The following DLG2 variants were observed in gnomAD, a reference collection of about 807,000 sequenced individuals.
The protein encoded by DLG2 is discs large MAGUK scaffold protein 2.
DLG2 carries 45 observed loss-of-function variants against 132.5 expected under a neutral mutation model. That is an observed-to-expected ratio of 0.34 (90% CI 0.27 to 0.44). The LOEUF is 0.44. Among genes scored for constraint, DLG2 ranks in the 20% least tolerant of loss-of-function variants. The pLI is 1.00. For missense variants in DLG2, 1,045 were observed against 1,196.9 expected, an observed-to-expected ratio of 0.87 and a Z score of 1.87; for synonymous variants, 424 against 419.6, an observed-to-expected ratio of 1.01 and a Z score of -0.13.
At chr11:84,462,857 G>T (rs1331368312) in intron 7 of DLG2, among the ~76,000 whole-genome samples, 1 of 151,170 alleles carries the variant, frequency 6.6e-6, no homozygotes. Context: ...AACCTACAAA[G>T]AGTTTAATAG....
intron 6 of DLG2, among the ~76,000 whole-genome samples, chr11:84,664,980 A>G (rs1159214509): frequency 6.6e-6 from 1 of 151,920 alleles, no homozygotes; most frequent in Non-Finnish European, 1.5e-5. Flanking sequence ...TTTTCGTGAA[A>G]GTAGGAGAAG....
Position 84,578,835 on chromosome 11 carries a change from G to A in DLG2, c.358-44104C>T, listed in dbSNP as rs896453131. Among the ~76,000 whole-genome samples, 12 of 152,198 alleles carry A rather than the reference G, an allele frequency of 7.9e-5. No homozygotes were observed. The East Asian group carries it at 2.1e-3, about 27-fold the overall frequency. On this transcript the variant is annotated intron_variant, in intron 6 of 27. Transcript: ENST00000376104. ...GGGTAGAATGATATGGCTTGGCTGT[G>A]ACCCTACCGAAATCTCAACTTGAAT...
At chr11:83,928,573 AG>A (rs2154128563) in intron 15 of DLG2, among the ~76,000 whole-genome samples, 1 of 152,284 alleles carries the variant, frequency 6.6e-6, no homozygotes, top group Non-Finnish European at 1.5e-5. Context: ...AGATAGGGAA[AG>A]GATAGAAAAA....
intron 3 of DLG2, among the ~76,000 whole-genome samples, chr11:85,294,333 A>G (rs924042107): frequency 2.0e-5 from 3 of 150,040 alleles, no homozygotes; most frequent in Non-Finnish European, 4.5e-5. Context: ...ACTGAGAAAT[A>G]TCCAGTAACA....
At chr11:84,144,575 G>A (rs1038297632) in intron 9 of DLG2, among the ~76,000 whole-genome samples, 5 of 152,094 alleles carry the variant, frequency 3.3e-5, no homozygotes, top group Non-Finnish European at 7.4e-5. Flanking sequence ...AAAGCACAGG[G>A]ATTATCTGAA....
chr11:85,089,788 G>T (rs993459766), intron 6 of DLG2, among the ~76,000 whole-genome samples: 2 of 152,110 alleles, frequency 1.3e-5, no homozygotes, highest in African/African-American at 2.4e-5. Flanking sequence ...CTTCTCAAAA[G>T]AAGATACACA....
intron 16 of DLG2, among the ~76,000 whole-genome samples, chr11:83,865,978 G>C (rs567141443): frequency 6.6e-6 from 1 of 152,182 alleles, no homozygotes; most frequent in Admixed American, 6.6e-5. Context: ...CCTAGTCAAG[G>C]TCTATTGGTC....
Position 84,711,021 on chromosome 11 carries a change from T to TAG in DLG2, c.358-176291_358-176290insCT, listed in dbSNP as rs1378558926. Among the ~76,000 whole-genome samples the TAG allele has an allele frequency of 8.8e-5, 9 of 102,478 alleles. No individual in the cohort carries two copies. The South Asian group carries it at 1.0e-3, about 12-fold the overall frequency. 67.2% of individuals were successfully genotyped at this position (102,478 alleles called of 152,430 possible). The stretch of plus-strand genomic sequence containing the variant: ...TCATATATATATAGATATATATATA[T>TAG]ATATATATATAGAGCTGAAAAAAGC... On this transcript the variant is annotated intron_variant, in intron 6 of 27. Coordinates refer to ENST00000376104, the MANE Select transcript of DLG2 (RefSeq NM_001142699.3).
chr11:85,594,351 T>C (rs1411552745), intron 3 of DLG2, among the ~76,000 whole-genome samples: 2 of 152,234 alleles, frequency 1.3e-5, no homozygotes, highest in Non-Finnish European at 2.9e-5. Context: ...GTCTAACATG[T>C]AAGGTTTAAC....
chr11:84,231,875 T>G (rs2097098128), intron 8 of DLG2, among the ~76,000 whole-genome samples: 1 of 151,772 alleles, frequency 6.6e-6, no homozygotes, highest in African/African-American at 2.4e-5. Context: ...GTCTTGACAA[T>G]GAAGAAGAAG....
intron 21 of DLG2, among the ~76,000 whole-genome samples, chr11:83,523,440 T>C (rs2095533084): frequency 6.6e-6 from 1 of 152,206 alleles, no homozygotes; most frequent in Non-Finnish European, 1.5e-5. Flanking sequence ...TTAGTTCATA[T>C]GTAAAAATCT....
chr11:85,051,476 A>T (rs1026652218), intron 6 of DLG2, among the ~76,000 whole-genome samples: 1 of 152,182 alleles, frequency 6.6e-6, no homozygotes, highest in Non-Finnish European at 1.5e-5. Flanking sequence ...AGTTGTATTC[A>T]GGTTTAACTA....
At chr11:84,906,726 A>G (rs1186513471) in intron 6 of DLG2, among the ~76,000 whole-genome samples, 1 of 152,168 alleles carries the variant, frequency 6.6e-6, no homozygotes, top group African/African-American at 2.4e-5. Context: ...GCAGGGGGAA[A>G]AAAATGGAAA....
chr11:85,510,605 A>C (rs981563054), intron 3 of DLG2, among the ~76,000 whole-genome samples: 3 of 152,338 alleles, frequency 2.0e-5, no homozygotes, highest in Non-Finnish European at 2.9e-5. Context: ...TTATGCAGCC[A>C]AAAAACACAT....
intron 3 of DLG2, among the ~76,000 whole-genome samples, chr11:85,496,134 T>C (rs1157316623): frequency 6.6e-6 from 1 of 152,224 alleles, no homozygotes; most frequent in Non-Finnish European, 1.5e-5. Flanking sequence ...TTGGGGGATT[T>C]CCCTTTCCTA....
At chr11:84,895,505 C>A (rs751343622) in intron 6 of DLG2, among the ~76,000 whole-genome samples, 1 of 152,154 alleles carries the variant, frequency 6.6e-6, no homozygotes. Context: ...CTACTGTAGA[C>A]AGAGCAATGA....
At chr11:83,621,262 T>C (rs894567094) in intron 19 of DLG2, among the ~76,000 whole-genome samples, 20 of 152,264 alleles carry the variant, frequency 1.3e-4, no homozygotes, top group African/African-American at 2.9e-4. Flanking sequence ...ATCAACGCCA[T>C]GATTTTTTTT....
chr11:84,563,396 T>C (rs1443905022), intron 6 of DLG2, among the ~76,000 whole-genome samples: 20 of 152,218 alleles, frequency 1.3e-4, no homozygotes. Context: ...CCTGGCATTT[T>C]TGAGGCCTCC....
chr11:84,323,802 A>C (rs546014605), intron 7 of DLG2, among the ~76,000 whole-genome samples: 1 of 148,400 alleles, frequency 6.7e-6, no homozygotes, highest in Non-Finnish European at 1.5e-5. Context: ...TCACGTTTCC[A>C]AGACGATTAG....
Sources: gnomAD v4.1 joint callset for allele counts (sites outside exome capture counted in the v4.1 genomes callset) on GRCh38, gnomAD v4.1.1 for gene constraint, MANE v1.5 for transcripts, NCBI Gene and HGNC (gene_info 2026-07-23, HGNC 2026-07-21) for gene names.